KHDRBS2: variants seen among roughly 807,000 people sequenced by gnomAD.
KHDRBS2 encodes KH domain-containing, RNA-binding, signal transduction-associated protein 2.
In KHDRBS2, 26 loss-of-function variants were observed where a neutral mutation model predicts 44.3. That is an observed-to-expected ratio of 0.59 (90% CI 0.43 to 0.81). The LOEUF is 0.81. Among genes scored for constraint, KHDRBS2 ranks in the 40% least tolerant of loss-of-function variants. The pLI is 0.00. For synonymous variants in KHDRBS2, 194 were observed against 151.1 expected (o/e 1.28, Z -2.08); for missense variants, 476 against 433.1 (o/e 1.10, Z -0.88).
chr6:62,024,855 T>C (rs1328563777), intron 3 of KHDRBS2, among the ~76,000 whole-genome samples: 1 of 151,652 alleles, frequency 6.6e-6, no homozygotes, highest in East Asian at 1.9e-4. Context: ...TATTAAAGTA[T>C]ATTAAAAGTA....
At chr6:62,071,191 G>GT (rs561330757) in intron 2 of KHDRBS2, among the ~76,000 whole-genome samples, 2 of 151,950 alleles carry the variant, frequency 1.3e-5, no homozygotes, top group East Asian at 1.9e-4. Flanking sequence ...GGGGTTGTTT[G>GT]TTTTTTTCTT....
At chr6:62,078,530 C>G (rs1796782773) in intron 2 of KHDRBS2, among the ~76,000 whole-genome samples, 1 of 151,764 alleles carries the variant, frequency 6.6e-6, no homozygotes, top group Non-Finnish European at 1.5e-5. Flanking sequence ...GATAAAAATA[C>G]TGATTACTTG....
intron 6 of KHDRBS2, among the ~76,000 whole-genome samples, chr6:61,802,294 A>G (rs750723575): frequency 2.6e-5 from 4 of 152,158 alleles, no homozygotes; most frequent in Non-Finnish European, 5.9e-5. Context: ...ATGTGTGATA[A>G]TAAGTCAATA....
chr6:61,550,528 G>T, the KHDRBS2 span, among the ~76,000 whole-genome samples: 3 of 152,108 alleles, frequency 2.0e-5, no homozygotes, highest in Non-Finnish European at 2.9e-5. Context: ...ATGGTAGAAT[G>T]ATTTATTTTG....
intron 6 of KHDRBS2, among the ~76,000 whole-genome samples, chr6:61,839,935 G>T (rs996381257): frequency 6.6e-6 from 1 of 152,034 alleles, no homozygotes; most frequent in Non-Finnish European, 1.5e-5. Context: ...CCATTAGAAT[G>T]AATATTTATG....
intron 3 of KHDRBS2, among the ~76,000 whole-genome samples, chr6:61,992,688 A>G (rs1199885400): frequency 2.0e-5 from 3 of 152,120 alleles, no homozygotes; most frequent in Non-Finnish European, 4.4e-5. Context: ...AAAATCATAT[A>G]TAAATGGTTA....
intron 4 of KHDRBS2, among the ~76,000 whole-genome samples, chr6:61,954,664 G>A (rs1374575291): frequency 1.5e-5 from 2 of 130,692 alleles, no homozygotes; most frequent in Non-Finnish European, 3.3e-5. Flanking sequence ...ACATACATAT[G>A]TGTATATACA....
intron 6 of KHDRBS2, among the ~76,000 whole-genome samples, chr6:61,767,809 T>C (rs1327567401): frequency 6.6e-6 from 1 of 152,160 alleles, no homozygotes; most frequent in Non-Finnish European, 1.5e-5. Flanking sequence ...TTTTATTGTT[T>C]CCATTTATAT....
At chr6:61,951,919 T>A (rs1764834023) in intron 4 of KHDRBS2, among the ~76,000 whole-genome samples, 1 of 151,990 alleles carries the variant, frequency 6.6e-6, no homozygotes, top group Non-Finnish European at 1.5e-5. Context: ...TCAGTTTAAA[T>A]TCAGTTAAAC....
chr6:62,039,096 A>T (rs1013968282), intron 3 of KHDRBS2, among the ~76,000 whole-genome samples: 3 of 152,054 alleles, frequency 2.0e-5, no homozygotes, highest in Non-Finnish European at 4.4e-5. Flanking sequence ...AAAATTAAGC[A>T]AATCTTAATA....
At chr6:61,726,627 A>G (rs1773615358) in intron 7 of KHDRBS2, among the ~76,000 whole-genome samples, 1 of 152,138 alleles carries the variant, frequency 6.6e-6, no homozygotes, top group African/African-American at 2.4e-5. Context: ...ATACATCAAC[A>G]ATAGACAAGC....
At chr6:61,593,736 G>T in the KHDRBS2 span, among the ~76,000 whole-genome samples, 1 of 152,102 alleles carries the variant, frequency 6.6e-6, no homozygotes, top group Non-Finnish European at 1.5e-5. Context: ...CCAAACCAAA[G>T]ACAGTGTCTG....
rs537527659 is a variant in KHDRBS2, at chr6:61,818,547, T to C, written c.810+76088A>G. ...CTGGGCTAGAGTGAATTCATATGGT[T>C]TAACAGTGCCTAGAAGAAATGCACT... On this transcript the variant is annotated intron_variant, in intron 6 of 8. Coordinates refer to ENST00000281156, the MANE Select transcript of KHDRBS2 (RefSeq NM_152688.4). 6.6e-5 allele frequency among the ~76,000 whole-genome samples: 10 copies of C among 152,098 alleles called. No individual in the cohort carries two copies. In the South Asian group the frequency reaches 1.9e-3, roughly 28 times the overall value.
intron 7 of KHDRBS2, among the ~76,000 whole-genome samples, chr6:61,729,143 A>G (rs1171561050): frequency 1.3e-5 from 2 of 152,208 alleles, no homozygotes; most frequent in Non-Finnish European, 2.9e-5. Context: ...AATACTAGGC[A>G]GCCATAAAAA....
intron 4 of KHDRBS2, among the ~76,000 whole-genome samples, chr6:61,904,485 G>T (rs983970942): frequency 1.3e-5 from 2 of 152,188 alleles, no homozygotes; most frequent in Non-Finnish European, 2.9e-5. Flanking sequence ...AGTTGTGGTG[G>T]CCAAGAGAAT....
chr6:62,235,384 G>T (rs554186630), intron 1 of KHDRBS2, among the ~76,000 whole-genome samples: 1 of 151,948 alleles, frequency 6.6e-6, no homozygotes, highest in Non-Finnish European at 1.5e-5. Context: ...CTATTTACCA[G>T]TCTGCATTCT....
At chr6:62,198,405 T>C (rs948347756) in intron 1 of KHDRBS2, among the ~76,000 whole-genome samples, 4 of 151,936 alleles carry the variant, frequency 2.6e-5, no homozygotes, top group Non-Finnish European at 4.4e-5. Context: ...AAAGAGGATA[T>C]CACCACCGAT....
At chr6:61,780,000 T>A (rs940746892) in intron 6 of KHDRBS2, among the ~76,000 whole-genome samples, 1 of 152,184 alleles carries the variant, frequency 6.6e-6, no homozygotes, top group Non-Finnish European at 1.5e-5. Flanking sequence ...AGTACACTAC[T>A]GTTTTGTGCA....
chr6:61,671,957 T>C, the KHDRBS2 span, among the ~76,000 whole-genome samples: 2 of 151,892 alleles, frequency 1.3e-5, no homozygotes, highest in Non-Finnish European at 2.9e-5. Context: ...TAACTCGTCA[T>C]CTAGCATTAG....
Sources: gnomAD v4.1 joint callset for allele counts (sites outside exome capture counted in the v4.1 genomes callset) on GRCh38, gnomAD v4.1.1 for gene constraint, MANE v1.5 for transcripts, NCBI Gene and HGNC (gene_info 2026-07-23, HGNC 2026-07-21) for gene names.